Variants in SUPT20HL2 observed in about 807,000 individuals in gnomAD.
SUPT20HL2 encodes SUPT20H like 2.
For synonymous variants in SUPT20HL2, 125 were observed against 51.6 expected, an observed-to-expected ratio of 2.42 and a Z score of -6.10; for missense variants, 288 against 127.4, an observed-to-expected ratio of 2.26 and a Z score of -6.07.
At position 24,312,248 on chromosome X, in the gene SUPT20HL2, C is replaced by G; in HGVS notation, c.1068G>C (p.Gln356His). The G allele has an allele frequency of 2.6e-6, 1 of 386,939 alleles. No homozygotes were observed. Among genetic ancestry groups the G allele is most frequent in the South Asian group, 2.3e-5 (1 of 42,745 alleles). The allele number at this position is 386,939 out of a possible 1,213,427, so 31.9% of individuals were successfully genotyped here. A position where few individuals can be genotyped will look rare whatever the true frequency, so the allele number is the denominator to read the frequency against. The change falls in exon 1 of 1, where the codon CAG becomes CAC. Residue 356 changes from glutamine to histidine, a missense_variant. Gln to His is a conservative substitution (Grantham distance 24). Coordinates refer to ENST00000486479, the MANE Select transcript of SUPT20HL2 (RefSeq NM_001136233.3). The stretch of plus-strand genomic sequence containing the variant: ...CACAGAGAAGCGGATCATTAAACGA[C>G]TGCATGATGTTTGGCTTGGTGTCCC... ...QAWDTKPNIM[Q>H]SFNDPLLCGK... is the part of the protein sequence containing the mutation.
In SUPT20HL2 at chrX:24,311,037, G is replaced by GGCT. The variant is rs771131192; in HGVS notation, c.2276_2278dup (p.Gln759dup). On this transcript the variant is annotated inframe_insertion, in exon 1 of 1. Transcript: ENST00000486479. Reference sequence around the variant, plus strand: ...CTGGATCTGCTGTGGCTGTGGTTGTGGCTGCAGCAGCAGCAGCGGCTGTGG... The same window carrying GGCT: ...CTGGATCTGCTGTGGCTGTGGTTGTGGCTGCTGCAGCAGCAGCAGCGGCTGTGG... The GGCT allele has an allele frequency of 2.6e-6, 1 of 380,727 alleles. No homozygotes were observed. The highest frequency in any genetic ancestry group is 7.6e-5 in the East Asian group (1 of 13,185). The allele number at this position is 380,727 out of a possible 1,213,427, so 31.4% of individuals were successfully genotyped here.
rs1352037603 is a variant in SUPT20HL2 at position 24,309,755 on chromosome X, A to AAAAAAAAAAAAAAAAAAAAG, written c.*1106_*1107insCTTTTTTTTTTTTTTTTTTT. On this transcript the variant is annotated 3_prime_UTR_variant, in exon 1 of 1. Coordinates refer to ENST00000486479, the MANE Select transcript of SUPT20HL2 (RefSeq NM_001136233.3). Reference sequence around the variant, plus strand: ...AAAATAAAAAAAAAAAGAAAAAAAAAAAAAAAAAAAAAAACATCCAAAAAG... The same window carrying AAAAAAAAAAAAAAAAAAAAG: ...AAAATAAAAAAAAAAAGAAAAAAAAAAAAAAAAAAAAAAAAAAAAGAAAAAAAAAAAAAACATCCAAAAAG... Among the ~76,000 whole-genome samples the AAAAAAAAAAAAAAAAAAAAG allele has an allele frequency of 4.7e-5, 4 of 85,190 alleles. No homozygotes were observed. The highest frequency in any genetic ancestry group is 9.4e-5 in the Non-Finnish European group (4 of 42,545). The allele number at this position is 85,190 out of a possible 115,157, so 74.0% of individuals were successfully genotyped here.
Position 24,309,746 on chromosome X carries a change from G to GAAAAAAA in SUPT20HL2, c.*1109_*1115dup. On this transcript the variant is annotated 3_prime_UTR_variant, in exon 1 of 1. Transcript: ENST00000486479. ...AAAATAATAAAAATAAAAAAAAAAAGAAAAAAAAAAAAAAAAAAAAAAACA... is the reference window on the plus strand; with the variant it reads ...AAAATAATAAAAATAAAAAAAAAAAGAAAAAAAAAAAAAAAAAAAAAAAAAAAAAACA... 3.2e-4 allele frequency among the ~76,000 whole-genome samples: 7 copies of GAAAAAAA among 21,790 alleles called. No individual in the cohort carries two copies. Among genetic ancestry groups the GAAAAAAA allele is most frequent in the Admixed American group, 8.8e-4 (1 of 1,139 alleles). 18.9% of individuals were successfully genotyped at this position (21,790 alleles called of 115,157 possible).
At position 24,311,765 on chromosome X, in the gene SUPT20HL2, TAAAGCAGGAGCA is replaced by T. The variant is rs760266967; in HGVS notation, c.1539_1550del (p.Pro515_Ala518del). On this transcript the variant is annotated inframe_deletion, in exon 1 of 1. Coordinates refer to ENST00000486479, the MANE Select transcript of SUPT20HL2 (RefSeq NM_001136233.3). ...CCGCCGCCGCCACAGCAGCAGCAGC[TAAAGCAGGAGCA>T]GCAGCAGGAGCAGGAGCAGGAGCAG... The T allele has an allele frequency of 3.7e-5, 13 of 347,282 alleles. No homozygotes were observed. The highest frequency in any genetic ancestry group is 3.7e-4 in the African/African-American group (13 of 35,203). The allele number at this position is 347,282 out of a possible 1,213,427, so 28.6% of individuals were successfully genotyped here. A position where few individuals can be genotyped will look rare whatever the true frequency, so the allele number is the denominator to read the frequency against.
rs1486084345 is a variant in SUPT20HL2 at position 24,310,130 on chromosome X, C to T, written c.*732G>A. 8.9e-6 allele frequency among the ~76,000 whole-genome samples: 1 copy of T among 111,842 alleles called. No homozygotes were observed. Among genetic ancestry groups the T allele is most frequent in the Non-Finnish European group, 1.9e-5 (1 of 53,206 alleles). ...CATTTTTAAAAAGCAATGACCTTCA[C>T]ATCACATGAGACAGCAGGGATAAAT... On this transcript the variant is annotated 3_prime_UTR_variant, in exon 1 of 1. Coordinates refer to ENST00000486479, the MANE Select transcript of SUPT20HL2 (RefSeq NM_001136233.3).
Position 24,309,509 on chromosome X carries a change from T to A in SUPT20HL2, c.*1353A>T. ...TTTTATAAAGAGAGCACACAAAACA[T>A]CCAAAAAGGGACTGTGGTGGGGTCG... is the stretch of plus-strand genomic sequence containing the variant. On this transcript the variant is annotated 3_prime_UTR_variant, in exon 1 of 1. Transcript: ENST00000486479. Among the ~76,000 whole-genome samples the A allele has an allele frequency of 2.9e-5, 2 of 69,827 alleles. No homozygotes were observed. Among genetic ancestry groups the A allele is most frequent in the African/African-American group, 5.9e-5 (1 of 16,853 alleles). 60.6% of individuals were successfully genotyped at this position (69,827 alleles called of 115,157 possible). A position where few individuals can be genotyped will look rare whatever the true frequency, so the allele number is the denominator to read the frequency against.
chrX:24,310,904 T>A lies in SUPT20HL2; in HGVS notation c.2412A>T (p.Val804=), dbSNP rs1356667780. Residue 804 remains valine, a synonymous_variant, in exon 1 of 1, where the codon GTA becomes GTT. Coordinates refer to ENST00000486479, the MANE Select transcript of SUPT20HL2 (RefSeq NM_001136233.3). The part of the protein sequence containing the change: ...HPGVQAGSQL[V]GQRKGGKPTP... ...TTGGCTTGCCTCCCTTCCTCTGACCTACCAACTGGCTCCCTGCTTGCACAC... is the reference window on the plus strand; with the variant it reads ...TTGGCTTGCCTCCCTTCCTCTGACCAACCAACTGGCTCCCTGCTTGCACAC... 1.0e-5 allele frequency: 4 copies of A among 387,145 alleles called. No individual in the cohort carries two copies. Among genetic ancestry groups the A allele is most frequent in the East Asian group, 7.5e-5 (1 of 13,418 alleles). The allele number at this position is 387,145 out of a possible 1,213,427, so 31.9% of individuals were successfully genotyped here.
rs748134761 is a variant in SUPT20HL2 at position 24,311,644 on chromosome X, C to G, written c.1672G>C (p.Val558Leu). 1 of 385,147 alleles carries G rather than the reference C, an allele frequency of 2.6e-6. No individual in the cohort carries two copies. The highest frequency in any genetic ancestry group is 2.5e-5 in the Admixed American group (1 of 39,403). The allele number at this position is 385,147 out of a possible 1,213,427, so 31.7% of individuals were successfully genotyped here. Reference protein sequence around the residue: ...RPAAGRPTRFVKIAPAIQVRT... With the variant: ...RPAAGRPTRFLKIAPAIQVRT... ...ACCTGAATGGCTGGGGCTATTTTTA[C>G]GAATCTGGTGGGGCGCCCGGCAGCT... The change falls in exon 1 of 1, where the codon GTA (valine) becomes CTA (leucine). Residue 558 changes from valine to leucine, a missense_variant. Val to Leu is a conservative substitution (Grantham distance 32). Coordinates refer to ENST00000486479, the MANE Select transcript of SUPT20HL2 (RefSeq NM_001136233.3).
In SUPT20HL2 at chrX:24,310,372, G is replaced by C. The variant is rs1035178371; in HGVS notation, c.*490C>G. On this transcript the variant is annotated 3_prime_UTR_variant, in exon 1 of 1. Transcript: ENST00000486479. ...CTTGAGATCTGCGGCACAACCGTGG[G>C]GGTGGACTTAATACTATTGCACTGG... 2.7e-5 allele frequency among the ~76,000 whole-genome samples: 3 copies of C among 112,087 alleles called. No individual in the cohort carries two copies. The highest frequency in any genetic ancestry group is 5.6e-5 in the Non-Finnish European group (3 of 53,224).
chrX:24,313,638 G>A lies in SUPT20HL2; in HGVS notation c.-323C>T, dbSNP rs1265575639. On this transcript the variant is annotated 5_prime_UTR_variant, in exon 1 of 1. Coordinates refer to ENST00000486479, the MANE Select transcript of SUPT20HL2 (RefSeq NM_001136233.3). Reference sequence around the variant, plus strand: ...ACCTGCCCAGAAACCTGCCCCCAGGGAAGCGCTACCCAATCTGTTTGAGGG... The same window carrying A: ...ACCTGCCCAGAAACCTGCCCCCAGGAAAGCGCTACCCAATCTGTTTGAGGG... 3.0e-5 allele frequency among the ~76,000 whole-genome samples: 3 copies of A among 100,179 alleles called. No homozygotes were observed. Among genetic ancestry groups the A allele is most frequent in the African/African-American group, 1.1e-4 (3 of 26,946 alleles). 87.0% of individuals were successfully genotyped at this position (100,179 alleles called of 115,157 possible).
rs1939104618 is a variant in SUPT20HL2, at chrX:24,309,759, A to AC, written c.*1102_*1103insG. 2.1e-5 allele frequency among the ~76,000 whole-genome samples: 2 copies of AC among 93,191 alleles called. No homozygotes were observed. The highest frequency in any genetic ancestry group is 2.4e-4 in the Admixed American group (2 of 8,413). The allele number at this position is 93,191 out of a possible 115,157, so 80.9% of individuals were successfully genotyped here. A position where few individuals can be genotyped will look rare whatever the true frequency, so the allele number is the denominator to read the frequency against. On this transcript the variant is annotated 3_prime_UTR_variant, in exon 1 of 1. Coordinates refer to ENST00000486479, the MANE Select transcript of SUPT20HL2 (RefSeq NM_001136233.3). The stretch of plus-strand genomic sequence containing the variant: ...TAAAAAAAAAAAGAAAAAAAAAAAA[A>AC]AAAAAAAAAACATCCAAAAAGAGCC...
chrX:24,308,774 G>A lies in SUPT20HL2; in HGVS notation c.*2088C>T, dbSNP rs1436879046. The stretch of plus-strand genomic sequence containing the variant: ...AGATGCTTGTACATGAAAGTTGACA[G>A]CAGCTCTATGCACAGCGCCCAAAAG... On this transcript the variant is annotated 3_prime_UTR_variant, in exon 1 of 1. Transcript: ENST00000486479. 8.9e-6 allele frequency among the ~76,000 whole-genome samples: 1 copy of A among 111,970 alleles called. No homozygotes were observed. The highest frequency in any genetic ancestry group is 1.9e-5 in the Non-Finnish European group (1 of 53,271).
In SUPT20HL2 at chrX:24,311,356, G is replaced by A. The variant is rs1210075505; in HGVS notation, c.1960C>T (p.Pro654Ser). 3 of 387,679 alleles carry A rather than the reference G, an allele frequency of 7.7e-6. No individual in the cohort carries two copies. Among genetic ancestry groups the A allele is most frequent in the Non-Finnish European group, 1.6e-5 (3 of 192,711 alleles). The allele number at this position is 387,679 out of a possible 1,213,427, so 31.9% of individuals were successfully genotyped here. The change falls in exon 1 of 1, where the codon CCG becomes TCG. Residue 654 changes from proline (P) to serine (S), a missense_variant. Transcript: ENST00000486479. ...EGLRPLTLQV[P>S]QGWAVLTGPQ... The stretch of plus-strand genomic sequence containing the variant: ...CCGGTCAGAACCGCCCAGCCCTGCG[G>A]AACCTGGAGTGTCAGAGGCCTGAGA...
rs765599453 is a variant in SUPT20HL2 at position 24,311,779 on chromosome X, C to G, written c.1537G>C (p.Ala513Pro). Residue 513 changes from alanine to proline, a missense_variant, in exon 1 of 1, where the codon GCT becomes CCT. Coordinates refer to ENST00000486479, the MANE Select transcript of SUPT20HL2 (RefSeq NM_001136233.3). ...GCAGCAGCAGCTAAAGCAGGAGCAGCAGCAGGAGCAGGAGCAGGAGCAGGA... is the reference window on the plus strand; with the variant it reads ...GCAGCAGCAGCTAAAGCAGGAGCAGGAGCAGGAGCAGGAGCAGGAGCAGGA... ...AAPAPAPAPAAAPALAAAAVA... is the reference protein window; with the variant it reads ...AAPAPAPAPAPAPALAAAAVA... 2.7e-5 allele frequency: 9 copies of G among 336,904 alleles called. No homozygotes were observed. The highest frequency in any genetic ancestry group is 1.0e-4 in the South Asian group (4 of 39,400). 27.8% of individuals were successfully genotyped at this position (336,904 alleles called of 1,213,427 possible).
In SUPT20HL2 at chrX:24,308,368, A is replaced by G; in HGVS notation, c.*2494T>C. The G allele has an allele frequency of 2.7e-6, 1 of 369,153 alleles. No homozygotes were observed. The highest frequency in any genetic ancestry group is 5.3e-6 in the Non-Finnish European group (1 of 189,386). 30.4% of individuals were successfully genotyped at this position (369,153 alleles called of 1,213,427 possible). A position where few individuals can be genotyped will look rare whatever the true frequency, so the allele number is the denominator to read the frequency against. ...TTTGGTGACATACTGAATTCAGGTC[A>G]CTGCTTAGCTCCGAAGGCCATGCAT... On this transcript the variant is annotated 3_prime_UTR_variant, in exon 1 of 1. Coordinates refer to ENST00000486479, the MANE Select transcript of SUPT20HL2 (RefSeq NM_001136233.3).
In SUPT20HL2 at chrX:24,309,556, T is replaced by C. The variant is rs1165689496; in HGVS notation, c.*1306A>G. Among the ~76,000 whole-genome samples, 2 of 91,150 alleles carry C rather than the reference T, an allele frequency of 2.2e-5. No individual in the cohort carries two copies. Among genetic ancestry groups the C allele is most frequent in the Non-Finnish European group, 4.3e-5 (2 of 46,450 alleles). 79.2% of individuals were successfully genotyped at this position (91,150 alleles called of 115,157 possible). A position where few individuals can be genotyped will look rare whatever the true frequency, so the allele number is the denominator to read the frequency against. On this transcript the variant is annotated 3_prime_UTR_variant, in exon 1 of 1. Coordinates refer to ENST00000486479, the MANE Select transcript of SUPT20HL2 (RefSeq NM_001136233.3). ...GTCGGGGGAGGGGGGAGGGATAGCA[T>C]TGGGAGATATACCTAATGCTAGATG... is the stretch of plus-strand genomic sequence containing the variant.
In SUPT20HL2 at chrX:24,311,678, C is replaced by A. The variant is rs751219001; in HGVS notation, c.1638G>T (p.Arg546Ser). ...TGGGGCGCCCGGCAGCTGGACGGCG[C>A]CTGCTAGCTTTAATAAGAGGCACAG... ...KPSVPLIKAS[R>S]RRPAAGRPTR... The change falls in exon 1 of 1, where the codon AGG becomes AGT. Residue 546 changes from arginine to serine, a missense_variant. Coordinates refer to ENST00000486479, the MANE Select transcript of SUPT20HL2 (RefSeq NM_001136233.3). 2.1e-5 allele frequency: 8 copies of A among 381,811 alleles called. No homozygotes were observed. Among genetic ancestry groups the A allele is most frequent in the Middle Eastern group, 4.3e-4 (1 of 2,340 alleles). 31.5% of individuals were successfully genotyped at this position (381,811 alleles called of 1,213,427 possible). A position where few individuals can be genotyped will look rare whatever the true frequency, so the allele number is the denominator to read the frequency against.
At position 24,308,652 on chromosome X, in the gene SUPT20HL2, C is replaced by CA. The variant is rs767317193; in HGVS notation, c.*2209dup. Among the ~76,000 whole-genome samples, 1 of 111,882 alleles carries CA rather than the reference C, an allele frequency of 8.9e-6. No individual in the cohort carries two copies. Among genetic ancestry groups the CA allele is most frequent in the South Asian group, 3.7e-4 (1 of 2,690 alleles). On this transcript the variant is annotated 3_prime_UTR_variant, in exon 1 of 1. Coordinates refer to ENST00000486479, the MANE Select transcript of SUPT20HL2 (RefSeq NM_001136233.3). ...CAAATCTCCTTCTATTTTGTTAAGG[C>CA]AAAAAACAGAGAAATGTACATGTGT...
In SUPT20HL2 at chrX:24,309,734, T is replaced by TAAAAAAAAGAAAAAAAAAAAAAAAA. The variant is rs1939099521; in HGVS notation, c.*1127_*1128insTTTTTTTTTTTTTTTTCTTTTTTTT. 6.4e-5 allele frequency among the ~76,000 whole-genome samples: 1 copy of TAAAAAAAAGAAAAAAAAAAAAAAAA among 15,706 alleles called. No individual in the cohort carries two copies. The highest frequency in any genetic ancestry group is 3.4e-4 in the African/African-American group (1 of 2,899). The allele number at this position is 15,706 out of a possible 115,157, so 13.6% of individuals were successfully genotyped here. A position where few individuals can be genotyped will look rare whatever the true frequency, so the allele number is the denominator to read the frequency against. ...AAAAAAAAGAAAAAAATAATAAAAA[T>TAAAAAAAAGAAAAAAAAAAAAAAAA]AAAAAAAAAAAGAAAAAAAAAAAAA... On this transcript the variant is annotated 3_prime_UTR_variant, in exon 1 of 1. Coordinates refer to ENST00000486479, the MANE Select transcript of SUPT20HL2 (RefSeq NM_001136233.3).
Sources: gnomAD v4.1 joint callset for allele counts (sites outside exome capture counted in the v4.1 genomes callset) on GRCh38, gnomAD v4.1.1 for gene constraint, MANE v1.5 for transcripts, NCBI Gene and HGNC (gene_info 2026-07-23, HGNC 2026-07-21) for gene names.